GFRA1: variants seen among roughly 807,000 people sequenced by gnomAD.
The protein encoded by GFRA1 is GDNF family receptor alpha 1.
In GFRA1, 16 loss-of-function variants were observed where a neutral mutation model predicts 51.6. The ratio of observed to expected loss-of-function variants is 0.31; its 90% CI spans 0.21 to 0.47. GFRA1 has a LOEUF of 0.47. Among genes scored for constraint, GFRA1 ranks in the 20% least tolerant of loss-of-function variants. The pLI, the probability that GFRA1 is intolerant of heterozygous loss-of-function variation, is 1.00. For synonymous variants in GFRA1, 270 were observed against 241.3 expected (o/e 1.12, Z -1.10); for missense variants, 530 against 594.3 (o/e 0.89, Z 1.13).
chr10:116,084,761 A>AACACACACACACAC (rs5788130), intron 9 of GFRA1, among the ~76,000 whole-genome samples: 1 of 140,088 alleles, frequency 7.1e-6, no homozygotes, highest in Non-Finnish European at 1.6e-5. Context: ...TTAAATAAGT[A>AACACACACACACAC]ACACACACAC....
intron 8 of GFRA1, among the ~76,000 whole-genome samples, chr10:116,091,021 C>T (rs1956311323): frequency 6.6e-6 from 1 of 152,150 alleles, no homozygotes; most frequent in Non-Finnish European, 1.5e-5. Flanking sequence ...CATGGCTTAA[C>T]TGGTGAGTGT....
intron 4 of GFRA1, among the ~76,000 whole-genome samples, chr10:116,251,323 A>G (rs1314526962): frequency 6.6e-6 from 1 of 152,242 alleles, no homozygotes; most frequent in Admixed American, 6.5e-5. Flanking sequence ...CGAAGAGCAC[A>G]TGGCAGGTCA....
chr10:116,142,129 CAG>C (rs201844336), intron 5 of GFRA1, among the ~76,000 whole-genome samples: 80,698 of 151,760 alleles, frequency 0.53, 22,310 homozygotes, highest in Middle Eastern at 0.64. Context: ...CCAAGCAGTG[CAG>C]GATTATTCAT....
At chr10:116,147,398 T>C (rs940289524) in intron 5 of GFRA1, among the ~76,000 whole-genome samples, 1 of 152,104 alleles carries the variant, frequency 6.6e-6, no homozygotes. Flanking sequence ...TGGTTGGAGC[T>C]GGTGGTTCAC....
At chr10:116,188,762 G>T (rs759458217) in intron 5 of GFRA1, among the ~76,000 whole-genome samples, 1 of 151,902 alleles carries the variant, frequency 6.6e-6, no homozygotes, top group Non-Finnish European at 1.5e-5. Context: ...TTAGCCGGGC[G>T]TGGTGGTGCA....
intron 5 of GFRA1, among the ~76,000 whole-genome samples, chr10:116,136,318 T>C (rs1004063783): frequency 5.3e-5 from 8 of 152,230 alleles, no homozygotes; most frequent in Non-Finnish European, 1.2e-4. Context: ...ATTCATTTTA[T>C]GGGGTACAAA....
intron 5 of GFRA1, among the ~76,000 whole-genome samples, chr10:116,126,401 TCTG>T (rs1360418712): frequency 6.6e-6 from 1 of 152,248 alleles, no homozygotes; most frequent in Non-Finnish European, 1.5e-5. Context: ...CCGCCTGCCC[TCTG>T]CTGTCTGCAG....
intron 6 of GFRA1, among the ~76,000 whole-genome samples, chr10:116,103,912 G>A (rs1161974947): frequency 6.6e-6 from 1 of 152,180 alleles, no homozygotes; most frequent in African/African-American, 2.4e-5. Flanking sequence ...TGCTGTCTGG[G>A]CTGTGCATCT....
chr10:116,131,364 T>G (rs1313918297), intron 5 of GFRA1, among the ~76,000 whole-genome samples: 3 of 152,208 alleles, frequency 2.0e-5, no homozygotes, highest in Admixed American at 6.5e-5. Flanking sequence ...TTTATAAAAC[T>G]AAACATACAA....
intron 5 of GFRA1, among the ~76,000 whole-genome samples, chr10:116,151,001 G>A (rs1797393644): frequency 6.6e-6 from 1 of 151,526 alleles, no homozygotes; most frequent in Non-Finnish European, 1.5e-5. Context: ...GCATTGAGCT[G>A]CACTTTTTTT....
intron 4 of GFRA1, among the ~76,000 whole-genome samples, chr10:116,229,853 T>C (rs1383130269): frequency 6.6e-6 from 1 of 152,218 alleles, no homozygotes; most frequent in Non-Finnish European, 1.5e-5. Context: ...GAAAATAGTT[T>C]ATTTTAACCA....
intron 6 of GFRA1, among the ~76,000 whole-genome samples, chr10:116,102,075 C>G (rs1956837109): frequency 6.6e-6 from 1 of 152,178 alleles, no homozygotes. Flanking sequence ...TCCCTTGTCT[C>G]ACATACAAGA....
chr10:116,216,610 C>T (rs1477048820), intron 4 of GFRA1, among the ~76,000 whole-genome samples: 1 of 152,170 alleles, frequency 6.6e-6, no homozygotes, highest in Non-Finnish European at 1.5e-5. Context: ...AATCATACTA[C>T]TCTCTCAATT....
rs989415332 is a variant in GFRA1 at position 116,060,988 on chromosome 10, C to T, written c.*3410G>A. On this transcript the variant is annotated 3_prime_UTR_variant, in exon 11 of 11. Transcript: ENST00000355422. ...TCTTTTCCCAGGCACTTTACATGGA[C>T]TCCAAAATGCTTTGGCTCTCCCACT... 1 of 152,176 alleles carries T rather than the reference C, an allele frequency of 6.6e-6. No homozygotes were observed. The highest frequency in any genetic ancestry group is 2.4e-5 in the African/African-American group (1 of 41,438). The allele number at this position is 152,176 out of a possible 1,614,324, so 9.4% of individuals were successfully genotyped here.
At chr10:116,233,941 G>T (rs1415969149) in intron 4 of GFRA1, among the ~76,000 whole-genome samples, 1 of 152,162 alleles carries the variant, frequency 6.6e-6, no homozygotes, top group African/African-American at 2.4e-5. Flanking sequence ...TTCTTGCCAG[G>T]GATATCGGGA....
At chr10:116,091,257 A>G (rs190226036) in intron 8 of GFRA1, among the ~76,000 whole-genome samples, 3 of 152,378 alleles carry the variant, frequency 2.0e-5, no homozygotes, top group Admixed American at 2.0e-4. Flanking sequence ...ACTAAGTGCC[A>G]GGCACTGAAC....
chr10:116,086,802 T>G (rs56909683), intron 9 of GFRA1, among the ~76,000 whole-genome samples: 3,102 of 152,234 alleles, frequency 0.02, 115 homozygotes, highest in African/African-American at 0.071. Flanking sequence ...GAGATAAACG[T>G]CATGCTTTAC....
At chr10:116,162,201 C>G (rs376892636) in intron 5 of GFRA1, among the ~76,000 whole-genome samples, 1 of 152,192 alleles carries the variant, frequency 6.6e-6, no homozygotes, top group South Asian at 2.1e-4. Context: ...GACCTGGAGG[C>G]AGCGGAGCCA....
At chr10:116,269,241 A>G (rs1339696329) in intron 4 of GFRA1, among the ~76,000 whole-genome samples, 2 of 95,762 alleles carry the variant, frequency 2.1e-5, no homozygotes, top group Non-Finnish European at 5.1e-5. Context: ...TTAATGTGGA[A>G]AAAAAAAAAT....
Sources: gnomAD v4.1 joint callset for allele counts (sites outside exome capture counted in the v4.1 genomes callset) on GRCh38, gnomAD v4.1.1 for gene constraint, MANE v1.5 for transcripts, NCBI Gene and HGNC (gene_info 2026-07-23, HGNC 2026-07-21) for gene names.